The following VTI1A variants were observed in gnomAD, a reference collection of about 807,000 sequenced individuals.
The protein encoded by VTI1A is vesicle transport through interaction with t-SNAREs homolog 1A.
In VTI1A, 22 loss-of-function variants were observed where a neutral mutation model predicts 34.9. The observed-to-expected ratio is 0.63, with a 90% CI of 0.45 to 0.90. The LOEUF (loss-of-function observed/expected upper bound fraction) is 0.90. VTI1A is among the 40% of genes least tolerant of loss of function. The probability of loss-of-function intolerance (pLI) is 0.00; values close to 1 mark genes in which losing one functional copy is unlikely to be tolerated. For synonymous variants in VTI1A, 87 were observed against 97.3 expected (o/e 0.89, Z 0.62); for missense variants, 268 against 275.6 (o/e 0.97, Z 0.20).
At chr10:112,645,805 C>T (rs1846755981) in intron 5 of VTI1A, among the ~76,000 whole-genome samples, 1 of 152,008 alleles carries the variant, frequency 6.6e-6, no homozygotes, top group African/African-American at 2.4e-5. Context: ...TTAATGTTCT[C>T]CCCTTTTTAC....
chr10:112,776,900 A>G (rs1851969983), intron 7 of VTI1A, among the ~76,000 whole-genome samples: 1 of 151,454 alleles, frequency 6.6e-6, no homozygotes, highest in African/African-American at 2.4e-5. Flanking sequence ...CTGGTCTTGA[A>G]CTCCTGACCT....
chr10:112,662,986 T>A (rs1847515240), intron 5 of VTI1A, among the ~76,000 whole-genome samples: 1 of 152,202 alleles, frequency 6.6e-6, no homozygotes. Flanking sequence ...AGTTGGTTGA[T>A]CTGCAGTTGC....
chr10:112,819,059 T>C (rs1474875727), downstream of VTI1A, among the ~76,000 whole-genome samples: 2 of 152,260 alleles, frequency 1.3e-5, no homozygotes, highest in African/African-American at 4.8e-5. Context: ...TAAATGACTT[T>C]AGCTGTAAGT....
downstream of VTI1A, among the ~76,000 whole-genome samples, chr10:112,819,792 T>C (rs1359043126): frequency 6.6e-6 from 1 of 152,234 alleles, no homozygotes; most frequent in African/African-American, 2.4e-5. Context: ...CTGCTGTCTA[T>C]GTCTGCTCAG....
intron 7 of VTI1A, among the ~76,000 whole-genome samples, chr10:112,688,940 A>C (rs749779980): frequency 6.6e-6 from 1 of 152,142 alleles, no homozygotes; most frequent in African/African-American, 2.4e-5. Context: ...AAAGCCCAGC[A>C]GTGTGTGGTT....
At chr10:112,575,138 A>G (rs964096187) in intron 5 of VTI1A, among the ~76,000 whole-genome samples, 1 of 152,302 alleles carries the variant, frequency 6.6e-6, no homozygotes, top group South Asian at 2.1e-4. Context: ...GCTCACCTCT[A>G]TATCTCTCTT....
intron 3 of VTI1A, among the ~76,000 whole-genome samples, chr10:112,472,015 G>C (rs893163708): frequency 1.3e-5 from 2 of 152,184 alleles, no homozygotes; most frequent in African/African-American, 4.8e-5. Context: ...GACATGGTGT[G>C]TTGAATGCTT....
intron 7 of VTI1A, among the ~76,000 whole-genome samples, chr10:112,731,594 G>T (rs1178484713): frequency 6.7e-6 from 1 of 149,536 alleles, no homozygotes; most frequent in Non-Finnish European, 1.5e-5. Context: ...AAAAAAAACT[G>T]CATAAAACAG....
At chr10:112,646,914 A>T (rs1846813648) in intron 5 of VTI1A, among the ~76,000 whole-genome samples, 2 of 152,166 alleles carry the variant, frequency 1.3e-5, no homozygotes, top group South Asian at 4.1e-4. Context: ...CATTCATATC[A>T]TTCTACTCCA....
intron 7 of VTI1A, among the ~76,000 whole-genome samples, chr10:112,726,033 G>T (rs1391723222): frequency 6.6e-6 from 1 of 152,182 alleles, no homozygotes; most frequent in Admixed American, 6.5e-5. Flanking sequence ...AAAGACTTCA[G>T]TCTAGACACC....
At chr10:112,744,125 C>T (rs1032114200) in intron 7 of VTI1A, among the ~76,000 whole-genome samples, 1 of 152,180 alleles carries the variant, frequency 6.6e-6, no homozygotes, top group African/African-American at 2.4e-5. Flanking sequence ...ACGGAAATGT[C>T]AATTTTATGT....
chr10:112,795,431 C>CTTTTTT (rs35159993), intron 7 of VTI1A, among the ~76,000 whole-genome samples: 3 of 123,990 alleles, frequency 2.4e-5, no homozygotes, highest in Admixed American at 8.8e-5. Flanking sequence ...CCCTATTACT[C>CTTTTTT]TTTTTTTTTT....
intron 4 of VTI1A, among the ~76,000 whole-genome samples, chr10:112,537,269 A>G (rs546188437): frequency 2.0e-5 from 3 of 146,844 alleles, no homozygotes; most frequent in South Asian, 2.2e-4. Context: ...ACACACGCAC[A>G]CACACACAGA....
intron 5 of VTI1A, among the ~76,000 whole-genome samples, chr10:112,648,103 T>G (rs556855264): frequency 6.6e-6 from 1 of 152,362 alleles, no homozygotes; most frequent in East Asian, 1.9e-4. Context: ...TGAGATCATC[T>G]ATGTGGAAAT....
chr10:112,837,322 G>A, the VTI1A span, among the ~76,000 whole-genome samples: 1,631 of 151,926 alleles, frequency 0.011, 31 homozygotes, highest in African/African-American at 0.038. Flanking sequence ...GTGAGACAAC[G>A]TCTCAAAAAA....
chr10:112,668,302 A>G lies in VTI1A; in HGVS notation c.498+14A>G, dbSNP rs1258843830. 1 of 1,610,592 alleles carries G rather than the reference A, an allele frequency of 6.2e-7. No individual in the cohort carries two copies. The highest frequency in any genetic ancestry group is 1.1e-5 in the South Asian group (1 of 90,636). On this transcript the variant is annotated intron_variant, in intron 6 of 7. Coordinates refer to ENST00000393077, the MANE Select transcript of VTI1A (RefSeq NM_145206.4). Reference sequence around the variant, plus strand: ...GCACGTGAAAGAGTAAGTACAATTGATACAGTTTTTTCACATATTCAGTAA... The same window carrying G: ...GCACGTGAAAGAGTAAGTACAATTGGTACAGTTTTTTCACATATTCAGTAA...
chr10:112,736,554 A>G (rs1398593269), intron 7 of VTI1A, among the ~76,000 whole-genome samples: 1 of 152,182 alleles, frequency 6.6e-6, no homozygotes, highest in Non-Finnish European at 1.5e-5. Flanking sequence ...GAGTTAAGAT[A>G]GAAATTGAAT....
intron 7 of VTI1A, among the ~76,000 whole-genome samples, chr10:112,777,661 A>C (rs990579776): frequency 6.6e-6 from 1 of 152,200 alleles, no homozygotes; most frequent in African/African-American, 2.4e-5. Context: ...GTCAGAGGCA[A>C]AACTCATTGG....
chr10:112,638,867 A>C (rs1441394293), intron 5 of VTI1A, among the ~76,000 whole-genome samples: 1 of 151,754 alleles, frequency 6.6e-6, no homozygotes, highest in Non-Finnish European at 1.5e-5. Flanking sequence ...AATAAAATAA[A>C]TAAAAACTGT....
Sources: allele counts gnomAD v4.1 joint callset (sites outside exome capture counted in the v4.1 genomes callset), GRCh38; gene constraint gnomAD v4.1.1; transcripts MANE v1.5; gene names NCBI Gene and HGNC (gene_info 2026-07-23, HGNC 2026-07-21).